The following BRF1 variants were observed in gnomAD, a reference collection of about 807,000 sequenced individuals.
BRF1 encodes transcription factor IIIB 90 kDa subunit.
BRF1 carries 59 observed loss-of-function variants against 81.7 expected under a neutral mutation model. That is an observed-to-expected ratio of 0.72 (90% CI 0.59 to 0.90). The LOEUF is 0.90. BRF1 is among the 40% of genes least tolerant of loss of function. The probability of loss-of-function intolerance (pLI) is 0.00; values close to 1 mark genes in which losing one functional copy is unlikely to be tolerated. For missense variants in BRF1, 1,050 were observed against 936.3 expected, an observed-to-expected ratio of 1.12 and a Z score of -1.58; for synonymous variants, 491 against 395.6, an observed-to-expected ratio of 1.24 and a Z score of -2.86.
intron 2 of BRF1, among the ~76,000 whole-genome samples, chr14:105,274,050 C>T (rs1047231949): frequency 2.6e-5 from 4 of 152,200 alleles, no homozygotes; most frequent in African/African-American, 9.7e-5. Flanking sequence ...GGAGAAAAAC[C>T]GCCCTATGGC....
intron 5 of BRF1, chr14:105,248,886 T>C: frequency 2.0e-6 from 2 of 985,788 alleles, no homozygotes; most frequent in Non-Finnish European, 2.4e-6. Flanking sequence ...GGCGGAACTC[T>C]ACGCTCCCGC....
At chr14:105,249,412 T>C in intron 5 of BRF1, 4 of 1,611,846 alleles carry the variant, frequency 2.5e-6, no homozygotes, top group Non-Finnish European at 3.4e-6. Flanking sequence ...TACGGAGACC[T>C]GGCGGAAGTC....
upstream of BRF1, among the ~76,000 whole-genome samples, chr14:105,302,418 G>A (rs2058067734): frequency 6.6e-6 from 1 of 151,896 alleles, no homozygotes; most frequent in Admixed American, 6.6e-5. Context: ...GGTCAGGCCA[G>A]TCTTGAACTC....
At chr14:105,250,701 C>T (rs769167809) in intron 5 of BRF1, 37 of 1,583,922 alleles carry the variant, frequency 2.3e-5, no homozygotes, top group South Asian at 2.3e-4. Context: ...AGCAGGTCAG[C>T]GAGTGAGTGG....
In BRF1 at chr14:105,272,768, A is replaced by T; in HGVS notation, c.392T>A (p.Val131Glu). The change falls in exon 3 of 18, where the codon GTG becomes GAG. Residue 131 changes from valine (V) to glutamate (E), a missense_variant. Transcript: ENST00000547530. The stretch of plus-strand genomic sequence containing the variant: ...GACCAGGTAGAGGCAGGCAGCAATC[A>T]CGTGGGCCATCTTCCGGCCGCGGGT... ...HLTRGRKMAH[V>E]IAACLYLVCR... 6.2e-7 allele frequency: 1 copy of T among 1,613,940 alleles called. No individual in the cohort carries two copies. Among genetic ancestry groups the T allele is most frequent in the Non-Finnish European group, 8.5e-7 (1 of 1,179,948 alleles).
intron 2 of BRF1, among the ~76,000 whole-genome samples, chr14:105,273,340 C>T (rs2056741714): frequency 1.3e-5 from 2 of 152,224 alleles, no homozygotes; most frequent in African/African-American, 4.8e-5. Flanking sequence ...CCCACCCGTC[C>T]CTTCTCAGCA....
At position 105,263,234 on chromosome 14, in the gene BRF1, C is replaced by CAAAAAAA. The variant is rs760613469; in HGVS notation, c.440-6692_440-6686dup. Among the ~76,000 whole-genome samples the CAAAAAAA allele has an allele frequency of 6.5e-4, 54 of 83,536 alleles. 1 individual carries two copies. Among genetic ancestry groups the CAAAAAAA allele is most frequent in the African/African-American group, 1.8e-3 (36 of 20,036 alleles). 54.8% of individuals were successfully genotyped at this position (83,536 alleles called of 152,430 possible). On this transcript the variant is annotated intron_variant, in intron 3 of 17. Coordinates refer to ENST00000547530, the MANE Select transcript of BRF1 (RefSeq NM_001519.4). ...CCTGGGCAACAGAGTAAGACTCCAT[C>CAAAAAAA]AAAAAAAAAAAAAAAAAAAAAGTAG...
chr14:105,210,367 T>C lies in BRF1; in HGVS notation c.*184A>G, dbSNP rs1181563168. 4 of 658,904 alleles carry C rather than the reference T, an allele frequency of 6.1e-6. No individual in the cohort carries two copies. The African/African-American group carries it at 7.3e-5, about 12-fold the overall frequency. 40.8% of individuals were successfully genotyped at this position (658,904 alleles called of 1,614,324 possible). On this transcript the variant is annotated 3_prime_UTR_variant, in exon 18 of 18. Transcript: ENST00000547530. The surrounding 1 kb of genome is among the most constrained non-coding windows in gnomAD (Gnocchi z 4.7). ...ATGCAGACGCTTGGTCCGGTTTCCC[T>C]TGCTGAATAGAAACACAATCCCAAT...
At chr14:105,265,978 G>A (rs2056395944) in intron 3 of BRF1, among the ~76,000 whole-genome samples, 1 of 151,530 alleles carries the variant, frequency 6.6e-6, no homozygotes, top group African/African-American at 2.4e-5. Flanking sequence ...GGCTGAGGCA[G>A]GAGAATCACT....
chr14:105,267,817 G>A (rs1362723503), intron 3 of BRF1, among the ~76,000 whole-genome samples: 1 of 152,226 alleles, frequency 6.6e-6, no homozygotes, highest in East Asian at 1.9e-4. Context: ...TGTGGGCTCT[G>A]AAAGCCCATC....
At position 105,219,011 on chromosome 14, in the gene BRF1, T is replaced by C. The variant is rs1891799805; in HGVS notation, c.1502A>G (p.Tyr501Cys). 4 of 1,613,860 alleles carry C rather than the reference T, an allele frequency of 2.5e-6. No homozygotes were observed. Among genetic ancestry groups the C allele is most frequent in the Non-Finnish European group, 3.4e-6 (4 of 1,180,010 alleles). Residue 501 changes from tyrosine to cysteine, a missense_variant, in exon 14 of 18, where the codon TAC (tyrosine) becomes TGC (cysteine). Coordinates refer to ENST00000547530, the MANE Select transcript of BRF1 (RefSeq NM_001519.4). Reference sequence around the variant, plus strand: ...ACAGGCGCCCACCTTGTGTTCCTTGTAGATGCCGAGCTCCTTCTCTTTCGC... The same window carrying C: ...ACAGGCGCCCACCTTGTGTTCCTTGCAGATGCCGAGCTCCTTCTCTTTCGC... ...RIAKEKELGI[Y>C]KEHKPKKSCK...
At chr14:105,293,517 G>A (rs984442270) in intron 1 of BRF1, among the ~76,000 whole-genome samples, 7 of 152,354 alleles carry the variant, frequency 4.6e-5, no homozygotes, top group East Asian at 1.9e-4. Context: ...GTGTGTGGGC[G>A]CCATCACCAT....
intron 5 of BRF1, among the ~76,000 whole-genome samples, chr14:105,245,368 A>T (rs1348729097): frequency 6.6e-6 from 1 of 152,104 alleles, no homozygotes. Flanking sequence ...CTCAAAAAAA[A>T]TAAATAAATA....
rs1007389576 is a variant in BRF1, at chr14:105,210,375, T to C, written c.*176A>G. The C allele has an allele frequency of 1.2e-5, 8 of 675,822 alleles. No individual in the cohort carries two copies. Among genetic ancestry groups the C allele is most frequent in the South Asian group, 1.9e-5 (1 of 53,848 alleles). 41.9% of individuals were successfully genotyped at this position (675,822 alleles called of 1,614,324 possible). On this transcript the variant is annotated 3_prime_UTR_variant, in exon 18 of 18. Transcript: ENST00000547530. The surrounding 1 kb of genome is among the most constrained non-coding windows in gnomAD (Gnocchi z 4.7). ...GCTTGGTCCGGTTTCCCTTGCTGAA[T>C]AGAAACACAATCCCAATGGTAAGTT... is the stretch of plus-strand genomic sequence containing the variant.
At chr14:105,216,123 C>T (rs1298602548) in intron 15 of BRF1, among the ~76,000 whole-genome samples, 1 of 152,188 alleles carries the variant, frequency 6.6e-6, no homozygotes, top group East Asian at 1.9e-4. Context: ...ACTGCATGCA[C>T]ACAGATACAG....
intron 15 of BRF1, among the ~76,000 whole-genome samples, chr14:105,215,399 AACTT>A (rs1030099971): frequency 6.6e-6 from 1 of 152,054 alleles, no homozygotes; most frequent in African/African-American, 2.4e-5. Flanking sequence ...TGCACACAAA[AACTT>A]ACACACATGC....
chr14:105,249,442 C>T (rs587700740), intron 5 of BRF1: 16 of 1,613,626 alleles, frequency 9.9e-6, no homozygotes, highest in East Asian at 2.2e-5. Flanking sequence ...ATTCACATTC[C>T]AGACGTGGAG....
At chr14:105,268,006 G>T (rs901143593) in intron 3 of BRF1, among the ~76,000 whole-genome samples, 1 of 151,960 alleles carries the variant, frequency 6.6e-6, no homozygotes, top group African/African-American at 2.4e-5. Context: ...CATGGAAGCT[G>T]GGCATGCTCT....
At chr14:105,248,063 C>T (rs2055245622) in intron 5 of BRF1, 2 of 985,404 alleles carry the variant, frequency 2.0e-6, no homozygotes, top group East Asian at 1.1e-4. Context: ...TGACCTTCAG[C>T]GCGCGACTAA....
Sources: gnomAD v4.1 joint callset for allele counts (sites outside exome capture counted in the v4.1 genomes callset) on GRCh38, gnomAD v4.1.1 for gene constraint, Gnocchi (gnomAD v3.1) non-coding constraint, MANE v1.5 for transcripts, NCBI Gene and HGNC (gene_info 2026-07-23, HGNC 2026-07-21) for gene names.